CCDC12: variants seen among roughly 807,000 people sequenced by gnomAD.
The protein encoded by CCDC12 is coiled-coil domain containing 12, also known as coiled-coil domain-containing protein 12.
A neutral mutation model predicts 25.7 loss-of-function variants in CCDC12; 28 were observed. The ratio of observed to expected loss-of-function variants is 1.09; its 90% CI spans 0.81 to 1.50. CCDC12 has a LOEUF of 1.50. CCDC12 is among the 40% of genes most tolerant of loss of function. The probability of loss-of-function intolerance (pLI) is 0.00; values close to 1 mark genes in which losing one functional copy is unlikely to be tolerated. For synonymous variants in CCDC12, 75 were observed against 87.7 expected, an observed-to-expected ratio of 0.86 and a Z score of 0.81; for missense variants, 198 against 210.0, an observed-to-expected ratio of 0.94 and a Z score of 0.35.
intron 1 of CCDC12, among the ~76,000 whole-genome samples, chr3:46,975,280 G>A (rs1034779096): frequency 6.6e-6 from 1 of 151,672 alleles, no homozygotes; most frequent in Non-Finnish European, 1.5e-5. Flanking sequence ...TTGCCTCCCA[G>A]TTCAAGAAAT....
intron 1 of CCDC12, among the ~76,000 whole-genome samples, chr3:46,955,004 C>T (rs1228481656): frequency 1.3e-5 from 2 of 152,222 alleles, no homozygotes; most frequent in Non-Finnish European, 2.9e-5. Flanking sequence ...CGTCACACCA[C>T]TGGCTTATTC....
At chr3:46,944,983 C>T (rs1160041021) in intron 1 of CCDC12, among the ~76,000 whole-genome samples, 1 of 152,242 alleles carries the variant, frequency 6.6e-6, no homozygotes, top group Non-Finnish European at 1.5e-5. Context: ...CAAGAAAACA[C>T]ACCATCTGGC....
chr3:46,979,834 C>T (rs1023617651), upstream of CCDC12: 6 of 419,620 alleles, frequency 1.4e-5, no homozygotes, highest in Non-Finnish European at 2.5e-5. Context: ...ACAGGTGGCG[C>T]GCAGCAGGGC....
At chr3:46,970,534 C>A (rs1218301144) in intron 1 of CCDC12, among the ~76,000 whole-genome samples, 2 of 152,244 alleles carry the variant, frequency 1.3e-5, no homozygotes, top group African/African-American at 4.8e-5. Flanking sequence ...GTGAGCAACA[C>A]TGCTGCTCTA....
intron 1 of CCDC12, among the ~76,000 whole-genome samples, chr3:46,946,363 T>C (rs571889847): frequency 6.6e-6 from 1 of 152,358 alleles, no homozygotes; most frequent in East Asian, 1.9e-4. Flanking sequence ...ACTTAGGGAA[T>C]TAGCAAGGGA....
intron 1 of CCDC12, among the ~76,000 whole-genome samples, chr3:46,943,487 C>T (rs1403153048): frequency 6.6e-6 from 1 of 152,196 alleles, no homozygotes; most frequent in African/African-American, 2.4e-5. Flanking sequence ...GGCAAGACCC[C>T]CAGCCACAAA....
chr3:46,935,478 C>T (rs927613180), intron 2 of CCDC12, among the ~76,000 whole-genome samples: 3 of 151,978 alleles, frequency 2.0e-5, no homozygotes, highest in African/African-American at 7.3e-5. Context: ...GCCAACCTCC[C>T]ATCAGGAAGA....
At chr3:46,927,962 A>G (rs1468208947) in intron 2 of CCDC12, among the ~76,000 whole-genome samples, 1 of 152,202 alleles carries the variant, frequency 6.6e-6, no homozygotes, top group Non-Finnish European at 1.5e-5. Flanking sequence ...GGGGGGGTTC[A>G]GCTTGGGGAC....
At chr3:46,927,522 G>A (rs1450936752) in intron 2 of CCDC12, among the ~76,000 whole-genome samples, 2 of 152,136 alleles carry the variant, frequency 1.3e-5, no homozygotes, top group South Asian at 4.1e-4. Flanking sequence ...CCCACTGCCC[G>A]AGGCTTCAGA....
chr3:46,949,867 A>C (rs2034045464), intron 1 of CCDC12, among the ~76,000 whole-genome samples: 1 of 151,964 alleles, frequency 6.6e-6, no homozygotes, highest in Non-Finnish European at 1.5e-5. Flanking sequence ...TCTTTACTAA[A>C]ACTACAAAAA....
intron 1 of CCDC12, among the ~76,000 whole-genome samples, chr3:46,951,904 C>T (rs533885483): frequency 6.9e-6 from 1 of 144,104 alleles, no homozygotes; most frequent in African/African-American, 2.6e-5. Context: ...GCTACAAGAA[C>T]AGGCACCACC....
chr3:46,973,998 G>T (rs547511084), intron 1 of CCDC12, among the ~76,000 whole-genome samples: 1 of 152,258 alleles, frequency 6.6e-6, no homozygotes, highest in Admixed American at 6.5e-5. Flanking sequence ...ATACACAACG[G>T]AATATTATTC....
At chr3:46,973,206 A>T (rs1278014874) in intron 1 of CCDC12, among the ~76,000 whole-genome samples, 6 of 151,632 alleles carry the variant, frequency 4.0e-5, no homozygotes, top group Non-Finnish European at 7.4e-5. Flanking sequence ...ATAAAAAATT[A>T]GCTGGGCGTG....
intron 1 of CCDC12, among the ~76,000 whole-genome samples, chr3:46,971,862 C>T (rs551165028): frequency 1.9e-4 from 29 of 152,272 alleles, no homozygotes; most frequent in African/African-American, 6.7e-4. Flanking sequence ...TCTGTTGTCA[C>T]ATCAGAAACC....
chr3:46,952,625 G>A (rs1440466678), intron 1 of CCDC12, among the ~76,000 whole-genome samples: 1 of 152,214 alleles, frequency 6.6e-6, no homozygotes, highest in African/African-American at 2.4e-5. Flanking sequence ...ATTAGAAGGT[G>A]AGCCCTGGGC....
At position 46,921,984 on chromosome 3, in the gene CCDC12, T is replaced by C. The variant is rs777724492; in HGVS notation, c.*73A>G. On this transcript the variant is annotated 3_prime_UTR_variant, in exon 7 of 7. Transcript: ENST00000683445. ...GCCAAACTGGAGGTGATGGCAAGCCTAGCCCCCATCCCTGCCCAAGACCAT... is the reference window on the plus strand; with the variant it reads ...GCCAAACTGGAGGTGATGGCAAGCCCAGCCCCCATCCCTGCCCAAGACCAT... 118 of 1,532,756 alleles carry C rather than the reference T, an allele frequency of 7.7e-5. No homozygotes were observed. Among genetic ancestry groups the C allele is most frequent in the Admixed American group, 1.9e-4 (11 of 58,922 alleles). The allele number at this position is 1,532,756 out of a possible 1,614,324, so 94.9% of individuals were successfully genotyped here.
At chr3:46,949,840 A>C (rs2034044142) in intron 1 of CCDC12, among the ~76,000 whole-genome samples, 1 of 152,088 alleles carries the variant, frequency 6.6e-6, no homozygotes, top group Admixed American at 6.6e-5. Flanking sequence ...CAGCCTGGCC[A>C]ATATGGTGAA....
intron 1 of CCDC12, among the ~76,000 whole-genome samples, chr3:46,963,214 T>C (rs1475540615): frequency 6.6e-6 from 1 of 152,242 alleles, no homozygotes; most frequent in African/African-American, 2.4e-5. Context: ...TGTTTCTTGA[T>C]CTGAGTGACT....
intron 2 of CCDC12, among the ~76,000 whole-genome samples, chr3:46,925,937 A>G (rs1158499966): frequency 6.6e-6 from 1 of 152,262 alleles, no homozygotes; most frequent in African/African-American, 2.4e-5. Flanking sequence ...AAGGCAATGT[A>G]TAACTCCCAG....
Sources: gnomAD v4.1 joint callset for allele counts (sites outside exome capture counted in the v4.1 genomes callset) on GRCh38, gnomAD v4.1.1 for gene constraint, MANE v1.5 for transcripts, NCBI Gene and HGNC (gene_info 2026-07-23, HGNC 2026-07-21) for gene names.